Variants in UNC80 observed in about 807,000 individuals in gnomAD.
The protein encoded by UNC80 is protein unc-80 homolog.
A neutral mutation model predicts 384.6 loss-of-function variants in UNC80; 164 were observed. The ratio of observed to expected loss-of-function variants is 0.43; its 90% CI spans 0.38 to 0.49. The LOEUF is 0.49. Among genes scored for constraint, UNC80 ranks in the 20% least tolerant of loss-of-function variants. The probability of loss-of-function intolerance (pLI) is 0.00; values close to 1 mark genes in which losing one functional copy is unlikely to be tolerated. For missense variants in UNC80, 3,330 were observed against 4,143.0 expected, an observed-to-expected ratio of 0.80 and a Z score of 5.39; for synonymous variants, 1,486 against 1,527.8, an observed-to-expected ratio of 0.97 and a Z score of 0.64.
chr2:209,803,710 T>C (rs1397885493), intron 7 of UNC80, among the ~76,000 whole-genome samples: 1 of 152,134 alleles, frequency 6.6e-6, no homozygotes, highest in Non-Finnish European at 1.5e-5. Flanking sequence ...CATATCCTTA[T>C]CATTTCTTAC....
chr2:209,896,266 C>A, intron 27 of UNC80, 47 bp from the exon 28 acceptor site: 1 of 1,508,852 alleles, frequency 6.6e-7, no homozygotes, highest in South Asian at 1.2e-5. Context: ...ACATGCTCTC[C>A]AGGGAGACCG....
chr2:209,976,939 T>G lies in UNC80; in HGVS notation c.8799T>G (p.His2933Gln). Residue 2933 changes from histidine to glutamine, a missense_variant, in exon 58 of 65, where the codon CAT (histidine) becomes CAG (glutamine). Coordinates refer to ENST00000673920, the MANE Select transcript of UNC80 (RefSeq NM_001371986.1). This position sits in a 1 kb window ranked among gnomAD's most constrained non-coding sequence, Gnocchi z 4.3. ...CKLLAQPAEN[H>Q]EELSARQHIA... ...TGCTGGCCCAACCAGCAGAGAATCA[T>G]GAAGAGCTTTCCGCCCGGCAACATA... 1 of 1,526,326 alleles carries G rather than the reference T, an allele frequency of 6.6e-7. No homozygotes were observed. Among genetic ancestry groups the G allele is most frequent in the Non-Finnish European group, 8.9e-7 (1 of 1,125,964 alleles). 94.5% of individuals were successfully genotyped at this position (1,526,326 alleles called of 1,614,324 possible).
chr2:209,979,280 A>T (rs886121050), intron 59 of UNC80, among the ~76,000 whole-genome samples: 1 of 149,162 alleles, frequency 6.7e-6, no homozygotes, highest in African/African-American at 2.4e-5. Flanking sequence ...AAAACTCCTA[A>T]ATTTTCTTTA....
At chr2:209,916,559 A>G (rs548875320) in intron 31 of UNC80, among the ~76,000 whole-genome samples, 1 of 152,338 alleles carries the variant, frequency 6.6e-6, no homozygotes, top group South Asian at 2.1e-4. Context: ...CAAGGAAAGG[A>G]GAAAGAGTGG....
At chr2:209,844,414 CTCTCTTTCTT>C (rs1305185800) in intron 21 of UNC80, among the ~76,000 whole-genome samples, 1 of 149,432 alleles carries the variant, frequency 6.7e-6, no homozygotes, top group South Asian at 2.1e-4. Context: ...TCCTTTCCTT[CTCTCTTTCTT>C]TCTCTTTCTC....
rs1255263014 is a variant in UNC80 at position 209,982,196 on chromosome 2, C to T, written c.9136C>T (p.Pro3046Ser). 2.6e-6 allele frequency: 4 copies of T among 1,551,416 alleles called. No individual in the cohort carries two copies. The South Asian group carries it at 3.6e-5, about 14-fold the overall frequency. Reference protein sequence around the residue: ...EDEENDSISMPSVVSEQEAYL... With the variant: ...EDEENDSISMSSVVSEQEAYL... ...CCTTTTAGATGACTCTATAAGCATG[C>T]CCAGCGTGGTAAGTGAACAAGAAGC... Residue 3046 changes from proline to serine, a missense_variant, in exon 60 of 65, where the codon CCC becomes TCC. Pro to Ser is a moderately conservative substitution (Grantham distance 74, BLOSUM62 -1). Around this residue, in one of 8 missense-constraint regions of UNC80, gnomAD observed 216 missense variants for 245.3 expected, o/e 0.88. Transcript: ENST00000673920.
In UNC80 at chr2:209,954,096, A is replaced by T; in HGVS notation, c.7287-4A>T. On this transcript the variant is annotated splice_region_variant and splice_polypyrimidine_tract_variant and intron_variant, in intron 47 of 64. Transcript: ENST00000673920. ...TGACTCGGTTTTCTTTCTGTCGCTT[A>T]AAGTCTTCAGATGCTGATGGTCTTA... 1 of 1,544,462 alleles carries T rather than the reference A, an allele frequency of 6.5e-7. No homozygotes were observed.
At chr2:209,824,872 C>T (rs1262268995) in intron 13 of UNC80, among the ~76,000 whole-genome samples, 1 of 152,156 alleles carries the variant, frequency 6.6e-6, no homozygotes, top group Non-Finnish European at 1.5e-5. Flanking sequence ...TGCGTCAACC[C>T]AATCATGTGG....
chr2:209,879,970 AC>A (rs1187820188), intron 24 of UNC80, among the ~76,000 whole-genome samples: 1 of 152,196 alleles, frequency 6.6e-6, no homozygotes, highest in Non-Finnish European at 1.5e-5. Flanking sequence ...AAAGCCTAAC[AC>A]CCAGGAAACA....
rs954623783 is a variant in UNC80, at chr2:209,995,561, A to G, written c.9941A>G (p.Lys3314Arg). The change falls in exon 65 of 65, where the codon AAA becomes AGA. Residue 3314 changes from lysine to arginine, a missense_variant. Lys to Arg is a conservative substitution (Grantham distance 26, BLOSUM62 2). This residue lies in a region of UNC80 where 236 missense variants were observed against 254.9 expected (regional missense o/e 0.93). Coordinates refer to ENST00000673920, the MANE Select transcript of UNC80 (RefSeq NM_001371986.1). ...QFTFTPTELG[K>R]TDAVLDESHV ...ACCTTTACTCCCACTGAGCTGGGGAAAACGGATGCAGTATTAGATGAGTCT... is the reference window on the plus strand; with the variant it reads ...ACCTTTACTCCCACTGAGCTGGGGAGAACGGATGCAGTATTAGATGAGTCT... The G allele has an allele frequency of 1.9e-6, 3 of 1,552,008 alleles. No homozygotes were observed. The highest frequency in any genetic ancestry group is 1.4e-5 in the African/African-American group (1 of 73,068).
rs531368278 is a variant in UNC80, at chr2:209,999,216, T to C, written c.*3621T>C. ...GCATATGAATAAATACTGAAATGTT[T>C]ATGAAAGATATTTATGAAAGATATT... On this transcript the variant is annotated 3_prime_UTR_variant, in exon 65 of 65. Transcript: ENST00000673920. The C allele has an allele frequency of 1.3e-5, 2 of 152,340 alleles. No homozygotes were observed. The highest frequency in any genetic ancestry group is 4.1e-4 in the South Asian group (2 of 4,832). The allele number at this position is 152,340 out of a possible 1,614,324, so 9.4% of individuals were successfully genotyped here.
intron 35 of UNC80, among the ~76,000 whole-genome samples, chr2:209,925,266 T>C (rs574501008): frequency 6.6e-6 from 1 of 152,250 alleles, no homozygotes; most frequent in East Asian, 1.9e-4. Context: ...ACTATATATA[T>C]ATACATTTTT....
chr2:209,832,922 C>T (rs919549750), intron 16 of UNC80, among the ~76,000 whole-genome samples: 7 of 152,202 alleles, frequency 4.6e-5, no homozygotes, highest in African/African-American at 1.7e-4. Flanking sequence ...CATCTAGAGC[C>T]TGGGGAGGTT....
At chr2:209,823,949 T>A (rs1470690354) in intron 13 of UNC80, among the ~76,000 whole-genome samples, 1 of 152,114 alleles carries the variant, frequency 6.6e-6, no homozygotes, top group African/African-American at 2.4e-5. Context: ...GAAAATTCCA[T>A]ACCTGACCTC....
intron 36 of UNC80, among the ~76,000 whole-genome samples, chr2:209,928,499 CCTTA>C (rs2090606770): frequency 6.6e-6 from 1 of 151,908 alleles, no homozygotes; most frequent in African/African-American, 2.4e-5. Flanking sequence ...CATGAAACTG[CCTTA>C]CTTAAGCAAT....
chr2:209,929,934 G>A lies in UNC80; in HGVS notation c.5870G>A (p.Arg1957Gln), dbSNP rs938317904. Residue 1957 changes from arginine (R) to glutamine (Q), a missense_variant, in exon 37 of 65, where the codon CGA becomes CAA. Arg to Gln is a conservative substitution (Grantham distance 43). Transcript: ENST00000673920. Reference protein sequence around the residue: ...CLIEDPSTVLRHFLEKLTISN... With the variant: ...CLIEDPSTVLQHFLEKLTISN... ...ATTGAAGATCCATCAACGGTTCTTC[G>A]ACATTTTCTGGAAAAACTGACCATC... The A allele has an allele frequency of 6.5e-7, 1 of 1,539,856 alleles. No homozygotes were observed. The highest frequency in any genetic ancestry group is 8.8e-7 in the Non-Finnish European group (1 of 1,142,808).
At chr2:209,866,523 CACACACACACAGAG>C (rs1249281802) in intron 22 of UNC80, among the ~76,000 whole-genome samples, 3,663 of 136,248 alleles carry the variant, frequency 0.027, 141 homozygotes, top group African/African-American at 0.11. Flanking sequence ...CACACACACA[CACACACACACAGAG>C]AGAGAGAGAG....
intron 47 of UNC80, among the ~76,000 whole-genome samples, chr2:209,949,471 G>A (rs7557496): frequency 9.9e-5 from 15 of 151,578 alleles, no homozygotes; most frequent in African/African-American, 3.1e-4. Context: ...CCCACCCCCC[G>A]CTTTTTAATT....
Position 209,994,104 on chromosome 2 carries a change from C to T in UNC80, c.9548C>T (p.Pro3183Leu). The change falls in exon 64 of 65, where the codon CCA (proline) becomes CTA (leucine). Residue 3183 changes from proline to leucine, a missense_variant. By Grantham distance (98) the Pro-to-Leu change is moderately conservative. Transcript: ENST00000673920. The part of the protein sequence containing the change: ...KRSVTFIEAQ[P>L]EPAAAPTDAL... Reference sequence around the variant, plus strand: ...TCTGTGACCTTCATTGAGGCTCAGCCAGAGCCAGCAGCTGCCCCAACAGAT... The same window carrying T: ...TCTGTGACCTTCATTGAGGCTCAGCTAGAGCCAGCAGCTGCCCCAACAGAT... 1 of 1,551,682 alleles carries T rather than the reference C, an allele frequency of 6.4e-7. No individual in the cohort carries two copies. Among genetic ancestry groups the T allele is most frequent in the Non-Finnish European group, 8.7e-7 (1 of 1,146,936 alleles).
Sources: allele counts gnomAD v4.1 joint callset (sites outside exome capture counted in the v4.1 genomes callset), GRCh38; gene constraint gnomAD v4.1.1; regional missense constraint gnomAD v4.1.1; non-coding constraint Gnocchi (gnomAD v3.1); transcripts MANE v1.5; gene names NCBI Gene and HGNC (gene_info 2026-07-23, HGNC 2026-07-21).